Variants in DDX6 observed in about 807,000 individuals in gnomAD.
The protein encoded by DDX6 is probable ATP-dependent RNA helicase DDX6.
In DDX6, 7 loss-of-function variants were observed where a neutral mutation model predicts 60.6. The ratio of observed to expected loss-of-function variants is 0.12; its 90% CI spans 0.07 to 0.22. DDX6 has a LOEUF of 0.22. DDX6 is among the 10% of genes least tolerant of loss of function. The pLI is 1.00. For synonymous variants in DDX6, 207 were observed against 201.0 expected (o/e 1.03, Z -0.25); for missense variants, 270 against 589.9 (o/e 0.46, Z 5.62).
At chr11:118,783,106 G>A (rs555347683) in intron 2 of DDX6, among the ~76,000 whole-genome samples, 6 of 152,040 alleles carry the variant, frequency 3.9e-5, no homozygotes, top group South Asian at 4.1e-4. Flanking sequence ...AGTAAGTGAC[G>A]GAGGTTAAGT....
In DDX6 at chr11:118,757,183, A is replaced by T; in HGVS notation, c.1098T>A (p.Ala366=). 6.4e-7 allele frequency: 1 copy of T among 1,552,722 alleles called. No homozygotes were observed. The highest frequency in any genetic ancestry group is 8.7e-7 in the Non-Finnish European group (1 of 1,150,408). ...QLGYSCFYIH[A]KMRQEHRNRV... ...GTTTTATACTCACCTGCCTCATTTTAGCATGAATATAGAAGCAAGAATAAC... is the reference window on the plus strand; with the variant it reads ...GTTTTATACTCACCTGCCTCATTTTTGCATGAATATAGAAGCAAGAATAAC... Residue 366 remains alanine, a synonymous_variant, in exon 10 of 14, where the codon GCT becomes GCA. Transcript: ENST00000534980.
intron 9 of DDX6, 121 bp downstream of exon 9, chr11:118,758,653 C>A (rs1399056506): frequency 1.6e-6 from 2 of 1,230,206 alleles, no homozygotes; most frequent in South Asian, 3.2e-5. Context: ...GCATGAGCCA[C>A]CGTGCCAAGC....
intron 1 of DDX6, chr11:118,790,186 A>G (rs1862221745): frequency 6.6e-6 from 1 of 152,176 alleles, no homozygotes; most frequent in South Asian, 2.1e-4. Context: ...GATACGGGAA[A>G]GAGTCATTGA....
upstream of DDX6, chr11:118,791,290 ATTC>A (rs1351125789): frequency 2.2e-4 from 34 of 152,010 alleles, no homozygotes; most frequent in African/African-American, 7.5e-4. Flanking sequence ...CCGCGGCTAT[ATTC>A]GCCGCGGCGT....
intron 1 of DDX6, chr11:118,790,214 G>GT (rs1317232497): frequency 6.6e-6 from 1 of 152,046 alleles, no homozygotes; most frequent in African/African-American, 2.4e-5. Flanking sequence ...CTGGAACCCC[G>GT]TAACTGAAAG....
chr11:118,759,899 T>G, intron 8 of DDX6, 23 bp downstream of exon 8: 1 of 1,605,092 alleles, frequency 6.2e-7, no homozygotes, highest in East Asian at 2.2e-5. Context: ...TGGCACTGAT[T>G]CCAAGTACAG....
At chr11:118,771,643 C>CT (rs1171916275) in intron 4 of DDX6, among the ~76,000 whole-genome samples, 5 of 152,326 alleles carry the variant, frequency 3.3e-5, no homozygotes, top group Admixed American at 1.3e-4. Context: ...GAAACGAAAA[C>CT]TTTTTTTAAA....
At chr11:118,757,400 A>T in intron 9 of DDX6, 113 bp from the exon 10 acceptor site, 1 of 539,250 alleles carries the variant, frequency 1.9e-6, no homozygotes, top group Non-Finnish European at 3.3e-6. Flanking sequence ...TCTAAAACTT[A>T]GAATCTCATG....
chr11:118,781,024 T>A, intron 3 of DDX6, 97 bp downstream of exon 3: 1 of 762,766 alleles, frequency 1.3e-6, no homozygotes, highest in Admixed American at 2.1e-5. Context: ...AGTGGTGTTA[T>A]GGTCCTGAAA....
rs544041856 is a variant in DDX6 at position 118,783,744 on chromosome 11, T to C, written c.200+2308A>G. 7.4e-5 allele frequency among the ~76,000 whole-genome samples: 10 copies of C among 135,746 alleles called. No homozygotes were observed. The East Asian group carries it at 1.8e-3, about 24-fold the overall frequency. 89.1% of individuals were successfully genotyped at this position (135,746 alleles called of 152,430 possible). A position where few individuals can be genotyped will look rare whatever the true frequency, so the allele number is the denominator to read the frequency against. Reference sequence around the variant, plus strand: ...TTGAACTGAACCCAGGAGGTGCAGGTTGCAGTGAGTCGAGATCACACCATT... The same window carrying C: ...TTGAACTGAACCCAGGAGGTGCAGGCTGCAGTGAGTCGAGATCACACCATT... On this transcript the variant is annotated intron_variant, in intron 2 of 13. Transcript: ENST00000534980.
intron 4 of DDX6, 109 bp downstream of exon 4, chr11:118,779,523 T>A: frequency 1.5e-6 from 1 of 669,272 alleles, no homozygotes; most frequent in Non-Finnish European, 2.5e-6. Context: ...AAAGTGTGTA[T>A]ACGTGAGAGA....
At chr11:118,780,382 A>G (rs1392165609) in intron 3 of DDX6, among the ~76,000 whole-genome samples, 1 of 151,978 alleles carries the variant, frequency 6.6e-6, no homozygotes, top group Non-Finnish European at 1.5e-5. Context: ...CAGTGGCGTG[A>G]TCTCGGCTCA....
At chr11:118,776,959 AT>A (rs1477560400) in intron 4 of DDX6, among the ~76,000 whole-genome samples, 1 of 151,974 alleles carries the variant, frequency 6.6e-6, no homozygotes, top group Non-Finnish European at 1.5e-5. Context: ...GATGATGCAT[AT>A]CCTTGTTTTG....
intron 2 of DDX6, among the ~76,000 whole-genome samples, chr11:118,785,348 T>A (rs1312732245): frequency 6.6e-6 from 1 of 152,004 alleles, no homozygotes; most frequent in Non-Finnish European, 1.5e-5. Flanking sequence ...CCTTTTTATA[T>A]GTAAAAGGAG....
At chr11:118,772,190 C>T (rs987018014) in intron 4 of DDX6, among the ~76,000 whole-genome samples, 6 of 152,172 alleles carry the variant, frequency 3.9e-5, no homozygotes, top group African/African-American at 1.4e-4. Context: ...AAATCCCCTT[C>T]CTACTTCTCA....
At chr11:118,760,886 T>A (rs1861143134) in intron 7 of DDX6, among the ~76,000 whole-genome samples, 1 of 148,406 alleles carries the variant, frequency 6.7e-6, no homozygotes, top group Admixed American at 6.7e-5. Context: ...ACGCCTGTAA[T>A]CCCAGCACTT....
chr11:118,768,408 C>G (rs1861426055), intron 4 of DDX6, 56 bp from the exon 5 acceptor site: 1 of 1,585,420 alleles, frequency 6.3e-7, no homozygotes, highest in Non-Finnish European at 8.6e-7. Flanking sequence ...CAAGCAAATT[C>G]CTCTCTGAAA....
chr11:118,785,626 TAAAG>T (rs1405990017), intron 2 of DDX6, among the ~76,000 whole-genome samples: 1 of 152,080 alleles, frequency 6.6e-6, no homozygotes, highest in Non-Finnish European at 1.5e-5. Flanking sequence ...TTAAAGACTC[TAAAG>T]ACTCAGACTG....
chr11:118,752,699 C>CA (rs1860817822), intron 13 of DDX6, among the ~76,000 whole-genome samples: 1 of 152,142 alleles, frequency 6.6e-6, no homozygotes, highest in Non-Finnish European at 1.5e-5. Context: ...TATCCTTTGT[C>CA]AAATCAGATT....
Sources: allele counts gnomAD v4.1 joint callset (sites outside exome capture counted in the v4.1 genomes callset), GRCh38; gene constraint gnomAD v4.1.1; transcripts MANE v1.5; gene names NCBI Gene and HGNC (gene_info 2026-07-23, HGNC 2026-07-21).